TRAF3IP1: variants seen among roughly 807,000 people sequenced by gnomAD.
TRAF3IP1 encodes intraflagellar transport 54, also known as TRAF3-interacting protein 1.
Under a neutral mutation model 89.9 loss-of-function variants are expected in TRAF3IP1, and 53 were observed. That is an observed-to-expected ratio of 0.59 (90% confidence interval 0.47 to 0.74). The LOEUF (loss-of-function observed/expected upper bound fraction) is 0.74. TRAF3IP1 is among the 30% of genes least tolerant of loss of function. The pLI is 0.00. For missense variants in TRAF3IP1, 806 were observed against 866.1 expected (o/e 0.93, Z 0.87); for synonymous variants, 311 against 322.1 (o/e 0.97, Z 0.37).
At chr2:238,356,190 G>T in intron 15 of TRAF3IP1, 110 bp downstream of exon 15, 1 of 922,998 alleles carries the variant, frequency 1.1e-6, no homozygotes, top group Non-Finnish European at 1.7e-6. Context: ...AGTGATGTCT[G>T]TTTGCATATT....
rs2106387046 is a variant in TRAF3IP1, at chr2:238,345,003, C to A, written c.1261+405C>A. On this transcript the variant is annotated intron_variant, in intron 9 of 16. Coordinates refer to ENST00000373327, the MANE Select transcript of TRAF3IP1 (RefSeq NM_015650.4). This position sits in a 1 kb window ranked among gnomAD's most constrained non-coding sequence, Gnocchi z 4.7. ...CATTTTCTTTGAGTGTTGAATTATA[C>A]CTCAGTGGGATTTTACTTTCACCAT... 6.6e-6 allele frequency among the ~76,000 whole-genome samples: 1 copy of A among 152,246 alleles called. No homozygotes were observed. The highest frequency in any genetic ancestry group is 3.4e-3 in the Middle Eastern group (1 of 294).
chr2:238,374,218 A>G (rs1339992430), intron 15 of TRAF3IP1, among the ~76,000 whole-genome samples: 1 of 152,220 alleles, frequency 6.6e-6, no homozygotes, highest in East Asian at 1.9e-4. Context: ...TGGTTTTCAA[A>G]GGGAATGCTT....
intron 15 of TRAF3IP1, among the ~76,000 whole-genome samples, chr2:238,393,927 G>A (rs74979875): frequency 0.059 from 9,023 of 152,208 alleles, 380 homozygotes; most frequent in Non-Finnish European, 0.081. Context: ...AAGCCTACGC[G>A]GTGGCTCACA....
At chr2:238,365,449 T>C (rs1202172899) in intron 15 of TRAF3IP1, among the ~76,000 whole-genome samples, 1 of 151,936 alleles carries the variant, frequency 6.6e-6, no homozygotes, top group Non-Finnish European at 1.5e-5. Flanking sequence ...TCACTTGAGC[T>C]TAGGAGTTAG....
intron 5 of TRAF3IP1, among the ~76,000 whole-genome samples, chr2:238,329,552 T>G (rs913677603): frequency 6.6e-6 from 1 of 152,232 alleles, no homozygotes; most frequent in Non-Finnish European, 1.5e-5. Flanking sequence ...CATCCCCTAA[T>G]AGAAGTTTAT....
chr2:238,340,961 G>A (rs919434530), intron 8 of TRAF3IP1, among the ~76,000 whole-genome samples: 2 of 152,022 alleles, frequency 1.3e-5, no homozygotes, highest in Non-Finnish European at 2.9e-5. Context: ...GGGTTCAAGC[G>A]ATTCTTCTGC....
At chr2:238,330,809 A>T (rs373396587) in intron 5 of TRAF3IP1, among the ~76,000 whole-genome samples, 14 of 151,880 alleles carry the variant, frequency 9.2e-5, no homozygotes, top group African/African-American at 3.4e-4. Flanking sequence ...TCTACAAGGC[A>T]CTTTGGAGTT....
intron 9 of TRAF3IP1, 21 bp downstream of exon 9, chr2:238,344,619 C>T (rs1303911525): frequency 1.2e-6 from 2 of 1,606,952 alleles, no homozygotes; most frequent in Non-Finnish European, 1.7e-6. Context: ...TCCAGTTTCG[C>T]CCTTTCCTGG....
At chr2:238,322,126 A>G (rs1044423019) in intron 1 of TRAF3IP1, among the ~76,000 whole-genome samples, 14 of 152,098 alleles carry the variant, frequency 9.2e-5, no homozygotes, top group Admixed American at 6.5e-4. Context: ...GAGGGGGACA[A>G]TGTGCCGCAT....
intron 6 of TRAF3IP1, 152 bp downstream of exon 6, chr2:238,333,047 A>G (rs1698206652): frequency 1.6e-6 from 1 of 616,832 alleles, no homozygotes; most frequent in South Asian, 2.1e-5. Context: ...TTGTAAAAGT[A>G]ATCAGTTAAA....
chr2:238,365,210 A>G (rs1014597301), intron 15 of TRAF3IP1, among the ~76,000 whole-genome samples: 6 of 152,198 alleles, frequency 3.9e-5, no homozygotes, highest in African/African-American at 1.4e-4. Flanking sequence ...TTTCATCACA[A>G]ATACTATAAC....
At chr2:238,329,464 T>C (rs1024429956) in intron 5 of TRAF3IP1, 122 bp downstream of exon 5, 4 of 869,768 alleles carry the variant, frequency 4.6e-6, no homozygotes, top group Non-Finnish European at 6.3e-6. Context: ...CTATTTAAAA[T>C]GATGACAATC....
At chr2:238,398,287 G>C (rs1292859640) in intron 16 of TRAF3IP1, among the ~76,000 whole-genome samples, 2 of 128,960 alleles carry the variant, frequency 1.6e-5, no homozygotes, top group Admixed American at 1.5e-4. Flanking sequence ...ATAGCGGAGT[G>C]GGGGGAGTAA....
At chr2:238,367,432 A>C (rs889258586) in intron 15 of TRAF3IP1, among the ~76,000 whole-genome samples, 1 of 152,106 alleles carries the variant, frequency 6.6e-6, no homozygotes, top group South Asian at 2.1e-4. Context: ...ACATCATGAA[A>C]TTGTTAAAAT....
At chr2:238,389,310 C>T (rs992434542) in intron 15 of TRAF3IP1, among the ~76,000 whole-genome samples, 8 of 152,072 alleles carry the variant, frequency 5.3e-5, no homozygotes, top group African/African-American at 1.5e-4. Context: ...CTTGGCTTCT[C>T]GTGTACCCAT....
intron 9 of TRAF3IP1, among the ~76,000 whole-genome samples, chr2:238,347,018 C>A (rs1361376450): frequency 6.6e-6 from 1 of 152,218 alleles, no homozygotes; most frequent in Admixed American, 6.5e-5. Context: ...GCTTACCAAT[C>A]ATGTCTATAA....
At chr2:238,398,692 T>C in intron 16 of TRAF3IP1, 62 bp from the exon 17 acceptor site, 1 of 1,428,436 alleles carries the variant, frequency 7.0e-7, no homozygotes, top group Non-Finnish European at 9.3e-7. Context: ...AATGTCTTAA[T>C]TAAGAAGCCA....
intron 14 of TRAF3IP1, among the ~76,000 whole-genome samples, chr2:238,354,985 G>A (rs1699346718): frequency 6.6e-6 from 1 of 151,720 alleles, no homozygotes; most frequent in Non-Finnish European, 1.5e-5. Flanking sequence ...ATGTCTGCCT[G>A]TTTGTTGGGT....
In TRAF3IP1 at chr2:238,369,824, ATTTG is replaced by A. The variant is rs1421831713; in HGVS notation, c.1689+13750_1689+13753del. On this transcript the variant is annotated intron_variant, in intron 15 of 16. Coordinates refer to ENST00000373327, the MANE Select transcript of TRAF3IP1 (RefSeq NM_015650.4). ...ACCCTGTGCTTCACTAAGTTTAATC[ATTTG>A]TTTGTATCATTATGGGCTTGTGCCT... is the stretch of plus-strand genomic sequence containing the variant. Among the ~76,000 whole-genome samples, 20 of 152,126 alleles carry A rather than the reference ATTTG, an allele frequency of 1.3e-4. 1 individual carries two copies. The South Asian group carries it at 4.2e-3, about 32-fold the overall frequency.
Sources: allele counts gnomAD v4.1 joint callset (sites outside exome capture counted in the v4.1 genomes callset), GRCh38; gene constraint gnomAD v4.1.1; non-coding constraint Gnocchi (gnomAD v3.1); transcripts MANE v1.5; gene names NCBI Gene and HGNC (gene_info 2026-07-23, HGNC 2026-07-21).